TBX20: variants seen among roughly 807,000 people sequenced by gnomAD.
The protein encoded by TBX20 is T-box transcription factor TBX20.
Under a neutral mutation model 42.9 loss-of-function variants are expected in TBX20, and 8 were observed. The ratio of observed to expected loss-of-function variants is 0.19; its 90% CI spans 0.11 to 0.34. TBX20 has a LOEUF of 0.34. Ranked by LOEUF, TBX20 falls within the 10% of genes least tolerant of loss-of-function variation. The probability of loss-of-function intolerance (pLI) is 1.00; values close to 1 mark genes in which losing one functional copy is unlikely to be tolerated. For synonymous variants in TBX20, 198 were observed against 222.8 expected, an observed-to-expected ratio of 0.89 and a Z score of 0.99; for missense variants, 411 against 566.0, an observed-to-expected ratio of 0.73 and a Z score of 2.78.
intron 4 of TBX20, among the ~76,000 whole-genome samples, chr7:35,241,898 T>C (rs1360774771): frequency 6.6e-6 from 1 of 152,168 alleles, no homozygotes; most frequent in African/African-American, 2.4e-5. Context: ...ATTTCAGATA[T>C]AAAAGGTTTC....
Position 35,244,964 on chromosome 7 carries a change from C to T in TBX20, c.639G>A (p.Leu213=). 6.2e-7 allele frequency: 1 copy of T among 1,613,326 alleles called. No homozygotes were observed. The change falls in exon 4 of 8, where the codon CTG becomes CTA. Residue 213 remains leucine (L), a synonymous_variant. Transcript: ENST00000408931. ...TGGTACTTACATGGCCATGTTGATC[C>T]AGTTCATTGTTGGTGAGTTTCACCT... ...FEKVKLTNNE[L]DQHGHIILNS...
At chr7:35,219,407 T>C (rs1271867522) in intron 6 of TBX20, among the ~76,000 whole-genome samples, 2 of 152,202 alleles carry the variant, frequency 1.3e-5, no homozygotes, top group Non-Finnish European at 2.9e-5. Flanking sequence ...TGGTAAGCAA[T>C]AAAATTTACT....
intron 6 of TBX20, among the ~76,000 whole-genome samples, chr7:35,227,590 T>G (rs1312463617): frequency 1.3e-5 from 2 of 152,180 alleles, no homozygotes; most frequent in South Asian, 4.1e-4. Context: ...CCATACCAAA[T>G]AGCCTACGTG....
rs1192681453 is a variant in TBX20, at chr7:35,249,668, G to A, written c.380+283C>T. Among the ~76,000 whole-genome samples, 2 of 152,142 alleles carry A rather than the reference G, an allele frequency of 1.3e-5. No individual in the cohort carries two copies. Among genetic ancestry groups the A allele is most frequent in the African/African-American group, 4.8e-5 (2 of 41,412 alleles). ...CCCGCCAAACCTTCTCCAGCTCCAG[G>A]GAAAGCAGACCACACCCTTCGGGGT... On this transcript the variant is annotated intron_variant, in intron 2 of 7. Coordinates refer to ENST00000408931, the MANE Select transcript of TBX20 (RefSeq NM_001077653.2). The surrounding 1 kb of genome is among the most constrained non-coding windows in gnomAD (Gnocchi z 4.3).
intron 6 of TBX20, among the ~76,000 whole-genome samples, chr7:35,217,909 G>A (rs12154802): frequency 0.27 from 40,446 of 151,924 alleles, 6,237 homozygotes; most frequent in Non-Finnish European, 0.34. Context: ...TAGTAGAGAC[G>A]GGGTTTCTCC....
Position 35,214,440 on chromosome 7 carries a change from C to G in TBX20, c.891-9858G>C, listed in dbSNP as rs534726470. 5.4e-4 allele frequency among the ~76,000 whole-genome samples: 82 copies of G among 152,212 alleles called. 1 individual carries two copies. The highest frequency in any genetic ancestry group is 1.7e-3 in the African/African-American group (71 of 41,536). ...GACTTATTGAATCCCATGAGTTAGG[C>G]TTGTTGAAATGAAAACATTTTATCA... On this transcript the variant is annotated intron_variant, in intron 6 of 7. Coordinates refer to ENST00000408931, the MANE Select transcript of TBX20 (RefSeq NM_001077653.2).
chr7:35,253,458 C>G, intron 1 of TBX20, 36 bp downstream of exon 1: 2 of 1,595,444 alleles, frequency 1.3e-6, no homozygotes, highest in South Asian at 2.2e-5. Context: ...CGCAGCATCC[C>G]CAGTCCTCGG....
rs181180995 is a variant in TBX20 at position 35,202,742 on chromosome 7, C to T, written c.1032G>A (p.Leu344=). Residue 344 remains leucine, a synonymous_variant, in exon 8 of 8, where the codon TTG becomes TTA. Coordinates refer to ENST00000408931, the MANE Select transcript of TBX20 (RefSeq NM_001077653.2). ...AAGATGATACCCAGGAGCTGAGAGA[C>T]AAATTATCAGATGTTGTAAAGGCTG... The part of the protein sequence containing the change: ...RGSAFTTSDN[L]SLSSWVSSSS... The T allele has an allele frequency of 2.0e-4, 317 of 1,565,694 alleles. 2 individuals carry two copies. In the African/African-American group the frequency reaches 3.8e-3, roughly 19 times the overall value.
chr7:35,213,868 C>A (rs1584342443), intron 6 of TBX20, among the ~76,000 whole-genome samples: 1 of 80,740 alleles, frequency 1.2e-5, no homozygotes. Flanking sequence ...CAAGGAATTG[C>A]AGAGATAGCA....
chr7:35,235,625 T>G (rs1789950529), intron 5 of TBX20, among the ~76,000 whole-genome samples: 1 of 152,248 alleles, frequency 6.6e-6, no homozygotes, highest in Non-Finnish European at 1.5e-5. Flanking sequence ...AGTGTGGGTC[T>G]ACATATATCC....
intron 7 of TBX20, among the ~76,000 whole-genome samples, chr7:35,204,151 C>G (rs537492267): frequency 1.3e-5 from 2 of 152,200 alleles, no homozygotes; most frequent in South Asian, 2.1e-4. Flanking sequence ...GGTGACTGCC[C>G]CCAAAGTTCA....
At chr7:35,253,463 C>A (rs778584730) in intron 1 of TBX20, 31 bp downstream of exon 1, 5 of 1,598,940 alleles carry the variant, frequency 3.1e-6, no homozygotes, top group Admixed American at 1.7e-5. Flanking sequence ...CATCCCCAGT[C>A]CTCGGCGGAC....
At chr7:35,214,896 G>A (rs1260588043) in intron 6 of TBX20, among the ~76,000 whole-genome samples, 1 of 152,134 alleles carries the variant, frequency 6.6e-6, no homozygotes, top group Non-Finnish European at 1.5e-5. Flanking sequence ...AGGATTTGCT[G>A]TCCATGGGCC....
At position 35,227,556 on chromosome 7, in the gene TBX20, G is replaced by A. The variant is rs556860743; in HGVS notation, c.890+3948C>T. ...AGTACAGTAACATGCAGCACAGTACGGTTTATAGTCTAGGATCAATAGGCC... is the reference window on the plus strand; with the variant it reads ...AGTACAGTAACATGCAGCACAGTACAGTTTATAGTCTAGGATCAATAGGCC... On this transcript the variant is annotated intron_variant, in intron 6 of 7. Transcript: ENST00000408931. Among the ~76,000 whole-genome samples the A allele has an allele frequency of 7.2e-5, 11 of 152,176 alleles. No homozygotes were observed. In the South Asian group the frequency reaches 1.2e-3, roughly 17 times the overall value.
At chr7:35,204,153 CA>C (rs1789354748) in intron 7 of TBX20, among the ~76,000 whole-genome samples, 2 of 152,098 alleles carry the variant, frequency 1.3e-5, no homozygotes, top group South Asian at 4.2e-4. Flanking sequence ...TGACTGCCCC[CA>C]AAGTTCAACA....
At chr7:35,247,453 G>A (rs1790215886) in intron 3 of TBX20, among the ~76,000 whole-genome samples, 1 of 151,870 alleles carries the variant, frequency 6.6e-6, no homozygotes, top group Non-Finnish European at 1.5e-5. Flanking sequence ...CTGGGAAGAC[G>A]CCCTTTCTGG....
At chr7:35,203,724 T>C (rs1584337420) in intron 7 of TBX20, among the ~76,000 whole-genome samples, 1 of 152,210 alleles carries the variant, frequency 6.6e-6, no homozygotes, top group East Asian at 1.9e-4. Context: ...CCCCAACCAC[T>C]GTGTTGTTCA....
At position 35,240,783 on chromosome 7, in the gene TBX20, T is replaced by C. The variant is rs188514109; in HGVS notation, c.813+96A>G. On this transcript the variant is annotated intron_variant, in intron 5 of 7. Coordinates refer to ENST00000408931, the MANE Select transcript of TBX20 (RefSeq NM_001077653.2). ...TAGCTCTCTGCAAAGTGAACATCCA[T>C]TTTGAGTACTGGGATATCTCTTCTC... 8.0e-5 allele frequency: 93 copies of C among 1,162,194 alleles called. No individual in the cohort carries two copies. The East Asian group carries it at 2.0e-3, about 24-fold the overall frequency. The allele number at this position is 1,162,194 out of a possible 1,614,324, so 72.0% of individuals were successfully genotyped here.
At chr7:35,225,718 C>T (rs954183562) in intron 6 of TBX20, among the ~76,000 whole-genome samples, 1 of 152,156 alleles carries the variant, frequency 6.6e-6, no homozygotes, top group Non-Finnish European at 1.5e-5. Flanking sequence ...GATTTTCCCT[C>T]CCAGGTTATT....
Sources: allele counts gnomAD v4.1 joint callset (sites outside exome capture counted in the v4.1 genomes callset), GRCh38; gene constraint gnomAD v4.1.1; non-coding constraint Gnocchi (gnomAD v3.1); transcripts MANE v1.5; gene names NCBI Gene and HGNC (gene_info 2026-07-23, HGNC 2026-07-21).